CDCA5: variants seen among roughly 807,000 people sequenced by gnomAD.
CDCA5 encodes the protein cell division cycle associated 5.
In CDCA5, 14 loss-of-function variants were observed where a neutral mutation model predicts 25.7. The observed-to-expected ratio is 0.54, with a 90% CI of 0.36 to 0.85. The LOEUF (loss-of-function observed/expected upper bound fraction) is 0.85, where lower values mean the gene tolerates loss of function less well. CDCA5 is among the 40% of genes least tolerant of loss of function. The pLI, the probability that CDCA5 is intolerant of heterozygous loss-of-function variation, is 0.01. For synonymous variants in CDCA5, 127 were observed against 128.7 expected (o/e 0.99, Z 0.09); for missense variants, 307 against 324.5 (o/e 0.95, Z 0.41).
rs1021641843 is a variant in CDCA5, at chr11:65,078,638, C to T, written c.*469G>A. On this transcript the variant is annotated 3_prime_UTR_variant, in exon 6 of 6. Transcript: ENST00000275517. ...ACCCACGGAACTGAAAACCTCTTTA[C>T]ACAGGTGGGTTCAAGAAGAAAGCCA... The T allele has an allele frequency of 5.6e-5, 55 of 989,548 alleles. No homozygotes were observed. Among genetic ancestry groups the T allele is most frequent in the Middle Eastern group, 5.1e-4 (1 of 1,952 alleles). 61.3% of individuals were successfully genotyped at this position (989,548 alleles called of 1,614,324 possible). A position where few individuals can be genotyped will look rare whatever the true frequency, so the allele number is the denominator to read the frequency against.
chr11:65,083,201 C>A, intron 4 of CDCA5, 163 bp downstream of exon 4: 1 of 731,992 alleles, frequency 1.4e-6, no homozygotes, highest in Non-Finnish European at 2.4e-6. Context: ...ATTAAGTCTT[C>A]AGGGAGTAAT....
intron 1 of CDCA5, chr11:65,068,699 C>T (rs1947287844): frequency 6.6e-6 from 4 of 603,018 alleles, no homozygotes; most frequent in African/African-American, 1.9e-5. Flanking sequence ...TCCAGCCTGG[C>T]GAGCGTCTAT....
intron 3 of CDCA5, chr11:65,067,919 T>C (rs1279827058): frequency 2.2e-6 from 2 of 899,162 alleles, no homozygotes; most frequent in African/African-American, 3.5e-5. Flanking sequence ...TGAATGTTTC[T>C]GGGTGTGGGG....
At chr11:65,068,905 G>A (rs763691312) in intron 1 of CDCA5, among the ~76,000 whole-genome samples, 1 of 152,208 alleles carries the variant, frequency 6.6e-6, no homozygotes, top group Non-Finnish European at 1.5e-5. Context: ...TTAACTAGGT[G>A]TCCTGTATTT....
Position 65,071,554 on chromosome 11 carries a change from C to G in CDCA5, c.64-2953G>C, listed in dbSNP as rs574436548. ...GGTCTCGAACCCCTAACCTGGTGAT[C>G]CGCCTGCCTCGGCCTCCCAAAGTGC... is the stretch of plus-strand genomic sequence containing the variant. On this transcript the variant is annotated intron_variant, in intron 1 of 6. Coordinates refer to the CDCA5 transcript ENST00000525464. 2.6e-5 allele frequency among the ~76,000 whole-genome samples: 4 copies of G among 152,152 alleles called. No homozygotes were observed. In the East Asian group the frequency reaches 7.7e-4, roughly 29 times the overall value.
chr11:65,083,713 G>A lies in CDCA5; in HGVS notation c.57C>T (p.Ala19=). Residue 19 remains alanine, a synonymous_variant, in exon 2 of 6, where the codon GCC becomes GCT. Transcript: ENST00000275517. The part of the protein sequence containing the change: ...GGAAQRSGPR[A]PSPTKPLRRS... Reference sequence around the variant, plus strand: ...TCCGCAGAGGCTTAGTAGGAGATGGGGCCCTTGGCCCTGGAAAGAGAAAAA... The same window carrying A: ...TCCGCAGAGGCTTAGTAGGAGATGGAGCCCTTGGCCCTGGAAAGAGAAAAA... 1 of 1,612,834 alleles carries A rather than the reference G, an allele frequency of 6.2e-7. No individual in the cohort carries two copies. Among genetic ancestry groups the A allele is most frequent in the Non-Finnish European group, 8.5e-7 (1 of 1,179,640 alleles).
chr11:65,079,093 C>A lies in CDCA5; in HGVS notation c.*14G>T. On this transcript the variant is annotated 3_prime_UTR_variant, in exon 6 of 6. Transcript: ENST00000275517. Reference sequence around the variant, plus strand: ...AGGAGGGAGAGTCTGGCCAGGTGCACCCCCCACTGCATCTCATTCAACCAG... The same window carrying A: ...AGGAGGGAGAGTCTGGCCAGGTGCAACCCCCACTGCATCTCATTCAACCAG... 2 of 1,512,542 alleles carry A rather than the reference C, an allele frequency of 1.3e-6. No individual in the cohort carries two copies. Among genetic ancestry groups the A allele is most frequent in the Admixed American group, 2.3e-5 (1 of 43,732 alleles). 93.7% of individuals were successfully genotyped at this position (1,512,542 alleles called of 1,614,324 possible).
chr11:65,082,974 T>C (rs1314435469), intron 4 of CDCA5, among the ~76,000 whole-genome samples: 2 of 152,166 alleles, frequency 1.3e-5, no homozygotes, highest in Non-Finnish European at 2.9e-5. Flanking sequence ...TCAGTCAGTA[T>C]GTCTTCAGAT....
intron 1 of CDCA5, among the ~76,000 whole-genome samples, chr11:65,069,224 A>G (rs1342364984): frequency 1.7e-5 from 2 of 118,266 alleles, no homozygotes; most frequent in Non-Finnish European, 3.3e-5. Flanking sequence ...TGGGCTTCAG[A>G]GCGAGACTCT....
chr11:65,080,636 T>A (rs1947546545), intron 4 of CDCA5, among the ~76,000 whole-genome samples: 1 of 152,132 alleles, frequency 6.6e-6, no homozygotes, highest in South Asian at 2.1e-4. Context: ...CCCAGGCTGG[T>A]CCCAGCGACC....
In CDCA5 at chr11:65,078,665, C is replaced by T; in HGVS notation, c.*442G>A. ...CAGGTGGGTTCAAGAAGAAAGCCAC[C>T]AACAGAAGGCAACTCAGGAGGGAGA... On this transcript the variant is annotated 3_prime_UTR_variant, in exon 6 of 6. Coordinates refer to ENST00000275517, the MANE Select transcript of CDCA5 (RefSeq NM_080668.4). The T allele has an allele frequency of 1.0e-6, 1 of 995,234 alleles. No individual in the cohort carries two copies. The highest frequency in any genetic ancestry group is 1.2e-6 in the Non-Finnish European group (1 of 836,930). 61.7% of individuals were successfully genotyped at this position (995,234 alleles called of 1,614,324 possible). A position where few individuals can be genotyped will look rare whatever the true frequency, so the allele number is the denominator to read the frequency against.
downstream of CDCA5, chr11:65,066,160 G>C (rs1281809767): frequency 8.6e-6 from 2 of 233,138 alleles, no homozygotes; most frequent in East Asian, 1.3e-4. Context: ...ATGTCGGGGA[G>C]GGGTAGATGC....
In CDCA5 at chr11:65,079,073, G is replaced by C; in HGVS notation, c.*34C>G. On this transcript the variant is annotated 3_prime_UTR_variant, in exon 6 of 6. Transcript: ENST00000275517. ...GAGGTGGCTATGTACAGGACAGGAG[G>C]GAGAGTCTGGCCAGGTGCACCCCCC... is the stretch of plus-strand genomic sequence containing the variant. 1 of 1,506,876 alleles carries C rather than the reference G, an allele frequency of 6.6e-7. No individual in the cohort carries two copies. The highest frequency in any genetic ancestry group is 8.8e-7 in the Non-Finnish European group (1 of 1,130,864). 93.3% of individuals were successfully genotyped at this position (1,506,876 alleles called of 1,614,324 possible). A position where few individuals can be genotyped will look rare whatever the true frequency, so the allele number is the denominator to read the frequency against.
intron 3 of CDCA5, chr11:65,067,915 T>C (rs1947270169): frequency 1.1e-6 from 1 of 886,512 alleles, no homozygotes; most frequent in African/African-American, 1.7e-5. Flanking sequence ...GGTTTGAATG[T>C]TTCTGGGTGT....
intron 1 of CDCA5, among the ~76,000 whole-genome samples, chr11:65,068,784 G>T (rs1380361884): frequency 1.3e-5 from 2 of 152,204 alleles, no homozygotes. Flanking sequence ...TATAGGCCCA[G>T]TGAAATCTGA....
intron 3 of CDCA5, chr11:65,068,019 A>G (rs1947272995): frequency 3.1e-6 from 4 of 1,285,516 alleles, no homozygotes; most frequent in South Asian, 2.5e-5. Flanking sequence ...TCTCTCATGC[A>G]GCCTTACGAT....
At chr11:65,068,505 C>T (rs1014516802) in exon 2 of CDCA5, 12 of 1,289,356 alleles carry the variant, frequency 9.3e-6, no homozygotes, top group Non-Finnish European at 1.2e-5. Context: ...TTCCGCTCCT[C>T]GGAAGCCTGA....
chr11:65,079,269 G>A, intron 5 of CDCA5, 82 bp from the exon 6 acceptor site: 1 of 1,607,314 alleles, frequency 6.2e-7, no homozygotes, highest in South Asian at 1.1e-5. Context: ...TGCAGGTGCT[G>A]CCTATCCCCC....
At position 65,078,379 on chromosome 11, in the gene CDCA5, C is replaced by G. The variant is rs760193023; in HGVS notation, c.*728G>C. 21 of 985,746 alleles carry G rather than the reference C, an allele frequency of 2.1e-5. No individual in the cohort carries two copies. Among genetic ancestry groups the G allele is most frequent in the Non-Finnish European group, 2.5e-5 (21 of 830,186 alleles). 61.1% of individuals were successfully genotyped at this position (985,746 alleles called of 1,614,324 possible). Reference sequence around the variant, plus strand: ...CACACCCTGAAATGCACCCTTTGCTCCAAGCAGCCAGCGCCCTATCAACCT... The same window carrying G: ...CACACCCTGAAATGCACCCTTTGCTGCAAGCAGCCAGCGCCCTATCAACCT... On this transcript the variant is annotated 3_prime_UTR_variant, in exon 6 of 6. Transcript: ENST00000275517.
Sources: allele counts gnomAD v4.1 joint callset (sites outside exome capture counted in the v4.1 genomes callset), GRCh38; gene constraint gnomAD v4.1.1; transcripts MANE v1.5; gene names NCBI Gene and HGNC (gene_info 2026-07-23, HGNC 2026-07-21).